NCKAP5: variants seen among roughly 807,000 people sequenced by gnomAD.
NCKAP5 encodes the protein NCK associated protein 5.
NCKAP5 carries 92 observed loss-of-function variants against 167.0 expected under a neutral mutation model. The ratio of observed to expected loss-of-function variants is 0.55; its 90% CI spans 0.47 to 0.66. NCKAP5 has a LOEUF of 0.66. Among genes scored for constraint, NCKAP5 ranks in the 30% least tolerant of loss-of-function variants. The pLI, the probability that NCKAP5 is intolerant of heterozygous loss-of-function variation, is 0.00. For synonymous variants in NCKAP5, 891 were observed against 877.4 expected, an observed-to-expected ratio of 1.02 and a Z score of -0.27; for missense variants, 2,378 against 2,315.0, an observed-to-expected ratio of 1.03 and a Z score of -0.56.
intron 15 of NCKAP5, among the ~76,000 whole-genome samples, chr2:132,774,844 T>C (rs978373886): frequency 2.0e-5 from 3 of 152,338 alleles, no homozygotes; most frequent in Middle Eastern, 3.4e-3. Context: ...AGCTTTATTT[T>C]AGAGATGAAG....
chr2:133,602,612 T>G, the NCKAP5 span, among the ~76,000 whole-genome samples: 1 of 152,226 alleles, frequency 6.6e-6, no homozygotes, highest in African/African-American at 2.4e-5. Context: ...AGAGTGCATC[T>G]TTTGACTTTC....
Position 133,095,627 on chromosome 2 carries a change from C to T in NCKAP5, c.341+34351G>A, listed in dbSNP as rs1344282355. Among the ~76,000 whole-genome samples the T allele has an allele frequency of 2.0e-5, 3 of 152,232 alleles. 1 individual carries two copies. The highest frequency in any genetic ancestry group is 4.1e-4 in the South Asian group (2 of 4,832). ...CTCTATGTAGAGGAGAGGAACCACT[C>T]AGCTAAGCCGGGCAACCCAGACAAC... On this transcript the variant is annotated intron_variant, in intron 6 of 19. Coordinates refer to ENST00000409261, the MANE Select transcript of NCKAP5 (RefSeq NM_207363.3).
At chr2:133,248,109 A>G (rs558174769) in intron 4 of NCKAP5, among the ~76,000 whole-genome samples, 1 of 152,330 alleles carries the variant, frequency 6.6e-6, no homozygotes, top group Non-Finnish European at 1.5e-5. Context: ...AGGGAAAACT[A>G]GAACTTGTCC....
At chr2:132,816,839 T>C (rs1415419227) in intron 11 of NCKAP5, among the ~76,000 whole-genome samples, 1 of 152,194 alleles carries the variant, frequency 6.6e-6, no homozygotes, top group Non-Finnish European at 1.5e-5. Context: ...TTCTACTCCA[T>C]ATAATCCTTC....
intron 7 of NCKAP5, among the ~76,000 whole-genome samples, chr2:132,974,744 G>A (rs1370468116): frequency 6.6e-6 from 1 of 152,186 alleles, no homozygotes; most frequent in Non-Finnish European, 1.5e-5. Context: ...AAGGCTCCCA[G>A]GCCATTCCTC....
intron 5 of NCKAP5, among the ~76,000 whole-genome samples, chr2:133,162,269 T>A (rs1038933081): frequency 2.0e-5 from 3 of 152,222 alleles, no homozygotes; most frequent in Non-Finnish European, 4.4e-5. Context: ...AGACTTTTTT[T>A]AAAAGAAGTC....
At chr2:133,150,397 T>A (rs2083346696) in intron 5 of NCKAP5, among the ~76,000 whole-genome samples, 1 of 152,142 alleles carries the variant, frequency 6.6e-6, no homozygotes, top group Non-Finnish European at 1.5e-5. Flanking sequence ...GGGGTCTGAA[T>A]GGAGCATATA....
chr2:132,795,078 G>C (rs1684473077), intron 12 of NCKAP5, among the ~76,000 whole-genome samples: 1 of 152,160 alleles, frequency 6.6e-6, no homozygotes, highest in African/African-American at 2.4e-5. Context: ...ACAACTCTCT[G>C]AAATAGAAAA....
intron 8 of NCKAP5, among the ~76,000 whole-genome samples, chr2:132,908,882 T>C (rs1340026744): frequency 2.6e-5 from 4 of 152,220 alleles, no homozygotes; most frequent in Non-Finnish European, 5.9e-5. Context: ...GTCTTTATTG[T>C]GGCAGCTGAT....
chr2:133,190,164 C>A (rs1236218215), intron 5 of NCKAP5, among the ~76,000 whole-genome samples: 1 of 152,096 alleles, frequency 6.6e-6, no homozygotes, highest in African/African-American at 2.4e-5. Context: ...TGAGTGAACT[C>A]CCATTCACAA....
At chr2:133,383,994 C>T (rs1686734417) in intron 3 of NCKAP5, among the ~76,000 whole-genome samples, 1 of 152,154 alleles carries the variant, frequency 6.6e-6, no homozygotes, top group South Asian at 2.1e-4. Flanking sequence ...AAATTTTCCC[C>T]ATTCTGTAGG....
At chr2:133,499,848 G>A (rs905753518) in intron 3 of NCKAP5, among the ~76,000 whole-genome samples, 1 of 152,266 alleles carries the variant, frequency 6.6e-6, no homozygotes, top group Non-Finnish European at 1.5e-5. Context: ...GTGAGCCACC[G>A]CGCCTGGCCC....
At chr2:133,646,750 G>T in the NCKAP5 span, among the ~76,000 whole-genome samples, 1 of 152,028 alleles carries the variant, frequency 6.6e-6, no homozygotes, top group Admixed American at 6.6e-5. Context: ...TAGCATGAAA[G>T]GCAATAGCTA....
intron 2 of NCKAP5, among the ~76,000 whole-genome samples, chr2:133,557,787 G>A (rs1023987612): frequency 3.3e-5 from 5 of 152,166 alleles, no homozygotes; most frequent in South Asian, 2.1e-4. Flanking sequence ...GAATCACCTC[G>A]GCACTTTGGG....
intron 16 of NCKAP5, among the ~76,000 whole-genome samples, chr2:132,759,691 G>A (rs1680838068): frequency 6.6e-6 from 1 of 151,692 alleles, no homozygotes; most frequent in Non-Finnish European, 1.5e-5. Context: ...TTATTTTTCT[G>A]TCCTTTTACT....
chr2:133,492,847 C>T (rs1342199554), intron 3 of NCKAP5, among the ~76,000 whole-genome samples: 3 of 152,218 alleles, frequency 2.0e-5, no homozygotes, highest in African/African-American at 7.2e-5. Flanking sequence ...TCTCTGACAA[C>T]TCCTTCCTGG....
intron 8 of NCKAP5, among the ~76,000 whole-genome samples, chr2:132,900,205 T>G (rs748397766): frequency 3.3e-5 from 5 of 152,186 alleles, no homozygotes; most frequent in Non-Finnish European, 7.3e-5. Context: ...ATGAAAATGT[T>G]TAAAATCTTG....
At chr2:133,356,488 T>C (rs775678940) in intron 3 of NCKAP5, among the ~76,000 whole-genome samples, 10 of 152,202 alleles carry the variant, frequency 6.6e-5, no homozygotes, top group Non-Finnish European at 1.5e-4. Flanking sequence ...CAGAGGAAAA[T>C]GGGAGAATTC....
intron 5 of NCKAP5, among the ~76,000 whole-genome samples, chr2:133,147,055 C>T (rs1049591248): frequency 1.3e-5 from 2 of 152,114 alleles, no homozygotes; most frequent in African/African-American, 2.4e-5. Context: ...AAGTTTTTCA[C>T]AAAAACACTT....
Sources: gnomAD v4.1 joint callset for allele counts (sites outside exome capture counted in the v4.1 genomes callset) on GRCh38, gnomAD v4.1.1 for gene constraint, MANE v1.5 for transcripts, NCBI Gene and HGNC (gene_info 2026-07-23, HGNC 2026-07-21) for gene names.